The following TMEM161B variants were observed in gnomAD, a reference collection of about 807,000 sequenced individuals.
The protein encoded by TMEM161B is transmembrane protein 161B.
TMEM161B carries 34 observed loss-of-function variants against 61.8 expected under a neutral mutation model. The ratio of observed to expected loss-of-function variants is 0.55; its 90% CI spans 0.42 to 0.73. The LOEUF (loss-of-function observed/expected upper bound fraction) is 0.73. Among genes scored for constraint, TMEM161B ranks in the 30% least tolerant of loss-of-function variants. The probability of loss-of-function intolerance (pLI) is 0.00; values close to 1 mark genes in which losing one functional copy is unlikely to be tolerated. For missense variants in TMEM161B, 456 were observed against 558.5 expected (o/e 0.82, Z 1.85); for synonymous variants, 167 against 192.8 (o/e 0.87, Z 1.11).
downstream of TMEM161B, chr5:88,190,404 T>C (rs140072845): frequency 1.6e-3 from 986 of 620,640 alleles, 13 homozygotes; most frequent in African/African-American, 0.016. Context: ...TTGCAGCTCC[T>C]AGCAGCTGTG....
At chr5:88,190,855 T>C (rs1035937397), downstream of TMEM161B, among the ~76,000 whole-genome samples, 4 of 152,248 alleles carry the variant, frequency 2.6e-5, no homozygotes, top group African/African-American at 9.6e-5. Flanking sequence ...TATTTACTTG[T>C]TATAGATTCT....
chr5:88,192,958 G>A (rs1749110027), downstream of TMEM161B, among the ~76,000 whole-genome samples: 1 of 152,078 alleles, frequency 6.6e-6, no homozygotes. Context: ...TTCCATTAAT[G>A]GATGAATATC....
chr5:88,208,240 T>C (rs1006362053), intron 5 of TMEM161B, among the ~76,000 whole-genome samples: 1 of 151,846 alleles, frequency 6.6e-6, no homozygotes, highest in African/African-American at 2.4e-5. Context: ...TCCCAGCACC[T>C]TGGGAGGCCG....
chr5:88,219,825 G>A (rs1245085912), intron 5 of TMEM161B, among the ~76,000 whole-genome samples: 1 of 152,074 alleles, frequency 6.6e-6, no homozygotes, highest in African/African-American at 2.4e-5. Flanking sequence ...ATAGGAGAAT[G>A]TACTCTGCAC....
At chr5:88,246,327 A>G (rs193253654) in intron 1 of TMEM161B, among the ~76,000 whole-genome samples, 4 of 151,942 alleles carry the variant, frequency 2.6e-5, no homozygotes, top group Admixed American at 1.3e-4. Context: ...TCTAATCTAC[A>G]TAAGTTTTTG....
At chr5:88,242,170 G>A (rs1269696953) in intron 1 of TMEM161B, among the ~76,000 whole-genome samples, 1 of 151,484 alleles carries the variant, frequency 6.6e-6, no homozygotes, top group Non-Finnish European at 1.5e-5. Context: ...CATATTCACA[G>A]CCACTTTTCA....
chr5:88,206,298 T>C, intron 7 of TMEM161B, 141 bp downstream of exon 7: 2 of 700,482 alleles, frequency 2.9e-6, no homozygotes, highest in Non-Finnish European at 4.6e-6. Context: ...GTCATAAAAA[T>C]TATGAGTAAG....
At chr5:88,192,024 ATATG>A (rs371093617), downstream of TMEM161B, among the ~76,000 whole-genome samples, 4 of 51,514 alleles carry the variant, frequency 7.8e-5, no homozygotes, top group South Asian at 9.7e-4. Context: ...ATATATATAT[ATATG>A]TATATAGCCA....
chr5:88,195,326 C>A lies in TMEM161B; in HGVS notation c.*885G>T, dbSNP rs1722754004. 2.5e-6 allele frequency: 2 copies of A among 803,350 alleles called. No homozygotes were observed. Among genetic ancestry groups the A allele is most frequent in the African/African-American group, 3.8e-5 (2 of 53,088 alleles). The allele number at this position is 803,350 out of a possible 1,614,324, so 49.8% of individuals were successfully genotyped here. On this transcript the variant is annotated 3_prime_UTR_variant, in exon 12 of 12. Transcript: ENST00000296595. ...TGCAACTTAAAATATTATAAGGATT[C>A]AATATTTTCATCTTTTATAATCTCA...
At chr5:88,241,569 C>T (rs972729559) in intron 1 of TMEM161B, among the ~76,000 whole-genome samples, 6 of 151,778 alleles carry the variant, frequency 4.0e-5, no homozygotes, top group Non-Finnish European at 8.8e-5. Flanking sequence ...GGTTTTAATC[C>T]TAGGTGGTAG....
chr5:88,265,481 C>A (rs529170602), intron 1 of TMEM161B, among the ~76,000 whole-genome samples: 148 of 152,246 alleles, frequency 9.7e-4, no homozygotes, highest in African/African-American at 3.3e-3. Flanking sequence ...GAATATAATG[C>A]CACCACTGAT....
intron 1 of TMEM161B, among the ~76,000 whole-genome samples, chr5:88,257,138 G>A (rs767007127): frequency 3.3e-5 from 5 of 151,936 alleles, no homozygotes; most frequent in Non-Finnish European, 5.9e-5. Context: ...GAGTGGCAGC[G>A]ACAGCCTGTA....
chr5:88,226,351 T>C (rs1188138578), intron 3 of TMEM161B, among the ~76,000 whole-genome samples: 3 of 152,206 alleles, frequency 2.0e-5, no homozygotes, highest in Non-Finnish European at 4.4e-5. Flanking sequence ...TGGAATAGTT[T>C]TTACTAAAAA....
downstream of TMEM161B, among the ~76,000 whole-genome samples, chr5:88,188,916 CT>C (rs1192567491): frequency 6.6e-6 from 1 of 152,170 alleles, no homozygotes; most frequent in Non-Finnish European, 1.5e-5. Context: ...TGTTTTTCAA[CT>C]TTTACTTCCT....
rs1750218773 is a variant in TMEM161B at position 88,199,101 on chromosome 5, G to C, written c.964C>G (p.Leu322Val). 1 of 1,612,826 alleles carries C rather than the reference G, an allele frequency of 6.2e-7. No individual in the cohort carries two copies. Among genetic ancestry groups the C allele is most frequent in the South Asian group, 1.1e-5 (1 of 91,016 alleles). Reference sequence around the variant, plus strand: ...ATCATGGCCAACCGCAAAGCACACAGCAGGATTATTAACCAGAGTCGCAGA... The same window carrying C: ...ATCATGGCCAACCGCAAAGCACACACCAGGATTATTAACCAGAGTCGCAGA... The part of the protein sequence containing the change: ...DTLRLWLIIL[L>V]CALRLAMMRS... The change falls in exon 10 of 12, where the codon CTG becomes GTG. Residue 322 changes from leucine (L) to valine (V), a missense_variant. By Grantham distance (32) the Leu-to-Val change is conservative (BLOSUM62 1). This residue lies in a region of TMEM161B where 367 missense variants were observed against 427.3 expected (regional missense o/e 0.86). Transcript: ENST00000296595.
chr5:88,238,855 A>T (rs1450665466), intron 2 of TMEM161B, among the ~76,000 whole-genome samples: 1 of 152,078 alleles, frequency 6.6e-6, no homozygotes, highest in East Asian at 1.9e-4. Flanking sequence ...ACATTAAAAA[A>T]GGTAGATAAT....
intron 1 of TMEM161B, among the ~76,000 whole-genome samples, chr5:88,245,423 T>C (rs1753461724): frequency 6.6e-6 from 1 of 151,864 alleles, no homozygotes; most frequent in Non-Finnish European, 1.5e-5. Context: ...AGAAGGTTGG[T>C]CTACCTGAGA....
intron 5 of TMEM161B, among the ~76,000 whole-genome samples, chr5:88,210,754 A>G (rs1746549794): frequency 1.3e-5 from 2 of 152,184 alleles, no homozygotes; most frequent in Admixed American, 1.3e-4. Flanking sequence ...CAATGACACT[A>G]TGGGCTACCT....
chr5:88,211,150 T>G (rs1320025310), intron 5 of TMEM161B, among the ~76,000 whole-genome samples: 3 of 150,762 alleles, frequency 2.0e-5, no homozygotes, highest in Non-Finnish European at 3.0e-5. Flanking sequence ...TCACATCTTA[T>G]AAAAAAAATA....
Sources: gnomAD v4.1 joint callset for allele counts (sites outside exome capture counted in the v4.1 genomes callset) on GRCh38, gnomAD v4.1.1 for gene constraint, gnomAD v4.1.1 regional missense constraint, MANE v1.5 for transcripts, NCBI Gene and HGNC (gene_info 2026-07-23, HGNC 2026-07-21) for gene names.